GABBR2: variants seen among roughly 807,000 people sequenced by gnomAD.
GABBR2 encodes gamma-aminobutyric acid type B receptor subunit 2.
GABBR2 carries 23 observed loss-of-function variants against 105.6 expected under a neutral mutation model. That is an observed-to-expected ratio of 0.22 (90% confidence interval 0.16 to 0.31). GABBR2 has a LOEUF of 0.31. GABBR2 is among the 10% of genes least tolerant of loss of function. The pLI is 1.00. For synonymous variants in GABBR2, 478 were observed against 499.7 expected (o/e 0.96, Z 0.58); for missense variants, 734 against 1,245.5 (o/e 0.59, Z 6.18).
At chr9:98,309,642 T>C (rs1830606411) in intron 14 of GABBR2, among the ~76,000 whole-genome samples, 1 of 152,214 alleles carries the variant, frequency 6.6e-6, no homozygotes, top group Non-Finnish European at 1.5e-5. Flanking sequence ...TCTTCCAAGT[T>C]TCTGGTGACT....
intron 1 of GABBR2, among the ~76,000 whole-genome samples, chr9:98,699,229 A>G (rs1830795506): frequency 6.6e-6 from 1 of 152,152 alleles, no homozygotes; most frequent in Non-Finnish European, 1.5e-5. Flanking sequence ...CAGAAGCCGG[A>G]AAGTATTTAT....
rs538560152 is a variant in GABBR2, at chr9:98,302,498, T to C, written c.2412+743A>G. Among the ~76,000 whole-genome samples, 10 of 152,310 alleles carry C rather than the reference T, an allele frequency of 6.6e-5. No homozygotes were observed. The South Asian group carries it at 2.1e-3, about 32-fold the overall frequency. On this transcript the variant is annotated intron_variant, in intron 16 of 18. Transcript: ENST00000259455. Reference sequence around the variant, plus strand: ...AGGTAAAAGGGAAATAAACATATTTTCTCTGGGCCACTTTATTTTGGGGCC... The same window carrying C: ...AGGTAAAAGGGAAATAAACATATTTCCTCTGGGCCACTTTATTTTGGGGCC...
chr9:98,616,101 G>T (rs1829578725), intron 1 of GABBR2, among the ~76,000 whole-genome samples: 1 of 152,224 alleles, frequency 6.6e-6, no homozygotes, highest in African/African-American at 2.4e-5. Context: ...GAGGTTAAAT[G>T]ACTTAGCAAA....
chr9:98,412,469 A>G (rs1350306409), intron 7 of GABBR2, among the ~76,000 whole-genome samples: 1 of 152,226 alleles, frequency 6.6e-6, no homozygotes, highest in Non-Finnish European at 1.5e-5. Context: ...GTCCTGACAC[A>G]TCACACTGGC....
At chr9:98,685,807 G>A (rs906528111) in intron 1 of GABBR2, among the ~76,000 whole-genome samples, 1 of 151,942 alleles carries the variant, frequency 6.6e-6, no homozygotes, top group East Asian at 1.9e-4. Flanking sequence ...ATCCTCCTAC[G>A]TCAGCCTCCC....
intron 11 of GABBR2, among the ~76,000 whole-genome samples, chr9:98,380,823 G>A (rs1300748087): frequency 6.6e-6 from 1 of 152,186 alleles, no homozygotes; most frequent in Admixed American, 6.5e-5. Context: ...TCCGAGCAGA[G>A]GTGTAGCCCC....
chr9:98,324,999 G>T (rs1041521853), intron 13 of GABBR2, among the ~76,000 whole-genome samples: 1 of 152,092 alleles, frequency 6.6e-6, no homozygotes, highest in African/African-American at 2.4e-5. Context: ...AGTTTATAGG[G>T]TTACGCAACT....
intron 1 of GABBR2, among the ~76,000 whole-genome samples, chr9:98,654,404 T>A (rs778681606): frequency 6.6e-6 from 1 of 152,242 alleles, no homozygotes; most frequent in Non-Finnish European, 1.5e-5. Flanking sequence ...ATAAGTATTA[T>A]CTTCGTCATC....
At chr9:98,708,376 GC>G in intron 1 of GABBR2, 40 bp downstream of exon 1, 2 of 1,328,180 alleles carry the variant, frequency 1.5e-6, no homozygotes. Context: ...CCACCCCAAT[GC>G]CCCCCGAAGC....
intron 2 of GABBR2, among the ~76,000 whole-genome samples, chr9:98,565,294 G>A (rs143969780): frequency 7.2e-4 from 109 of 152,252 alleles, no homozygotes; most frequent in African/African-American, 2.4e-3. Flanking sequence ...ATGTGTGAGC[G>A]GCCTCAGCCC....
chr9:98,636,986 G>A (rs1356846553), intron 1 of GABBR2, among the ~76,000 whole-genome samples: 2 of 152,270 alleles, frequency 1.3e-5, no homozygotes, highest in Middle Eastern at 6.8e-3. Flanking sequence ...GGGGAGGAAC[G>A]TTTGGAAACA....
chr9:98,665,091 ACT>A (rs1830315966), intron 1 of GABBR2, among the ~76,000 whole-genome samples: 1 of 151,528 alleles, frequency 6.6e-6, no homozygotes, highest in African/African-American at 2.4e-5. Flanking sequence ...ACAGAATGAG[ACT>A]CTGTTTCTAC....
intron 13 of GABBR2, among the ~76,000 whole-genome samples, chr9:98,336,982 A>G (rs1054556341): frequency 6.6e-6 from 1 of 152,178 alleles, no homozygotes; most frequent in Non-Finnish European, 1.5e-5. Flanking sequence ...TGCAAATTAT[A>G]TAATCTTATG....
At chr9:98,504,258 A>T (rs577007340) in intron 3 of GABBR2, among the ~76,000 whole-genome samples, 2 of 152,238 alleles carry the variant, frequency 1.3e-5, no homozygotes, top group Non-Finnish European at 2.9e-5. Flanking sequence ...AGAGAAGCAG[A>T]ATATTGTTAT....
chr9:98,380,326 C>G (rs1831949439), intron 11 of GABBR2, among the ~76,000 whole-genome samples: 1 of 152,218 alleles, frequency 6.6e-6, no homozygotes, highest in Admixed American at 6.5e-5. Flanking sequence ...GATCTAAGGT[C>G]CGCCTGGAGC....
intron 9 of GABBR2, among the ~76,000 whole-genome samples, chr9:98,393,371 A>ATCCATCCATCCATCCATC (rs1832229416): frequency 1.1e-5 from 1 of 94,112 alleles, no homozygotes; most frequent in Non-Finnish European, 2.0e-5. Flanking sequence ...ATCCATCCAC[A>ATCCATCCATCCATCCATC]CACCCACTCA....
intron 6 of GABBR2, among the ~76,000 whole-genome samples, chr9:98,468,090 C>T (rs928902910): frequency 6.6e-6 from 1 of 152,062 alleles, no homozygotes; most frequent in African/African-American, 2.4e-5. Flanking sequence ...TCATGAGGTC[C>T]CAGAAAATTG....
At chr9:98,400,528 C>A (rs1369271172) in intron 8 of GABBR2, among the ~76,000 whole-genome samples, 1 of 152,166 alleles carries the variant, frequency 6.6e-6, no homozygotes, top group Non-Finnish European at 1.5e-5. Flanking sequence ...TCTTGGAAAC[C>A]TGTCCTAAGG....
In GABBR2 at chr9:98,423,189, T is replaced by C. The variant is rs547072161; in HGVS notation, c.1237-17048A>G. On this transcript the variant is annotated intron_variant, in intron 7 of 18. Transcript: ENST00000259455. ...CTGGATCCCTGAGGAATCGCCGCAC[T>C]GACTTCCACAATGGTTGAACTAGTT... is the stretch of plus-strand genomic sequence containing the variant. 3.5e-4 allele frequency among the ~76,000 whole-genome samples: 53 copies of C among 152,372 alleles called. No homozygotes were observed. In the East Asian group the frequency reaches 7.5e-3, roughly 22 times the overall value.
Sources: gnomAD v4.1 joint callset for allele counts (sites outside exome capture counted in the v4.1 genomes callset) on GRCh38, gnomAD v4.1.1 for gene constraint, MANE v1.5 for transcripts, NCBI Gene and HGNC (gene_info 2026-07-23, HGNC 2026-07-21) for gene names.